The following PRKN variants were observed in gnomAD, a reference collection of about 807,000 sequenced individuals.
PRKN encodes the protein parkin RBR E3 ubiquitin protein ligase.
A neutral mutation model predicts 59.5 loss-of-function variants in PRKN; 56 were observed. The ratio of observed to expected loss-of-function variants is 0.94; its 90% CI spans 0.76 to 1.18. The LOEUF (loss-of-function observed/expected upper bound fraction) is 1.18, where lower values mean the gene tolerates loss of function less well. PRKN is among the 50% of genes most tolerant of loss of function. The pLI, the probability that PRKN is intolerant of heterozygous loss-of-function variation, is 0.00. For missense variants in PRKN, 657 were observed against 596.4 expected (o/e 1.10, Z -1.06); for synonymous variants, 250 against 222.1 (o/e 1.13, Z -1.12).
chr6:162,263,079 T>C (rs1779964783), intron 2 of PRKN, among the ~76,000 whole-genome samples: 1 of 151,962 alleles, frequency 6.6e-6, no homozygotes, highest in African/African-American at 2.4e-5. Flanking sequence ...GTGAAAACAA[T>C]AATTCCTTTT....
At chr6:161,902,719 C>A (rs1036277554) in intron 6 of PRKN, among the ~76,000 whole-genome samples, 1 of 151,876 alleles carries the variant, frequency 6.6e-6, no homozygotes, top group African/African-American at 2.4e-5. Context: ...TGCCACCACG[C>A]CTAATTTTTG....
chr6:162,565,518 T>C (rs4709636), intron 1 of PRKN, among the ~76,000 whole-genome samples: 46,480 of 151,674 alleles, frequency 0.31, 7,540 homozygotes, highest in East Asian at 0.49. Context: ...GGTGAAACCC[T>C]ATCTCTACTA....
At chr6:161,692,190 G>C (rs1266418716) in intron 7 of PRKN, among the ~76,000 whole-genome samples, 1 of 152,096 alleles carries the variant, frequency 6.6e-6, no homozygotes, top group African/African-American at 2.4e-5. Flanking sequence ...CAAGTTGTGG[G>C]AGCGCTACTT....
intron 9 of PRKN, among the ~76,000 whole-genome samples, chr6:161,436,376 C>T (rs902933730): frequency 1.7e-4 from 19 of 110,700 alleles, no homozygotes; most frequent in African/African-American, 5.8e-4. Context: ...GGATTTCATT[C>T]GCTGGGATGG....
intron 1 of PRKN, among the ~76,000 whole-genome samples, chr6:162,632,005 G>C (rs1783128367): frequency 1.4e-5 from 2 of 145,264 alleles, no homozygotes; most frequent in Non-Finnish European, 3.0e-5. Flanking sequence ...AAAAAAAGAT[G>C]TGGCAAGGCT....
intron 1 of PRKN, among the ~76,000 whole-genome samples, chr6:162,708,300 A>C (rs1405979863): frequency 6.6e-6 from 1 of 152,244 alleles, no homozygotes; most frequent in African/African-American, 2.4e-5. Flanking sequence ...AGGAACTTAC[A>C]GATTTTATGT....
intron 1 of PRKN, among the ~76,000 whole-genome samples, chr6:162,557,159 G>T (rs1193157039): frequency 6.6e-6 from 1 of 152,156 alleles, no homozygotes; most frequent in Non-Finnish European, 1.5e-5. Flanking sequence ...CTCCAATAAG[G>T]CTCCAGTTTG....
intron 7 of PRKN, among the ~76,000 whole-genome samples, chr6:161,664,322 G>A (rs537857382): frequency 2.6e-5 from 4 of 152,154 alleles, no homozygotes; most frequent in Non-Finnish European, 4.4e-5. Context: ...TTCCTGTTAC[G>A]GGAAAGGGGT....
intron 7 of PRKN, among the ~76,000 whole-genome samples, chr6:161,660,437 A>G (rs1784500836): frequency 6.6e-6 from 1 of 152,198 alleles, no homozygotes; most frequent in Non-Finnish European, 1.5e-5. Context: ...AAACCATTCA[A>G]AGGAAAAAAC....
At chr6:162,109,845 A>G in intron 4 of PRKN, among the ~76,000 whole-genome samples, 1 of 152,308 alleles carries the variant, frequency 6.6e-6, no homozygotes, top group East Asian at 1.9e-4. Context: ...CTGTTGCTGT[A>G]GGTGTATATT....
At chr6:161,676,038 T>C (rs1391696241) in intron 7 of PRKN, among the ~76,000 whole-genome samples, 2 of 152,262 alleles carry the variant, frequency 1.3e-5, no homozygotes, top group Non-Finnish European at 2.9e-5. Context: ...AGAGGCACTC[T>C]GAGTCCTAAA....
At chr6:162,284,855 C>T (rs1242385659) in intron 2 of PRKN, among the ~76,000 whole-genome samples, 1 of 152,056 alleles carries the variant, frequency 6.6e-6, no homozygotes, top group East Asian at 1.9e-4. Flanking sequence ...AATTGTGTCC[C>T]CTCACAAGTC....
intron 2 of PRKN, among the ~76,000 whole-genome samples, chr6:162,349,275 C>T (rs1228740293): frequency 2.0e-5 from 3 of 152,092 alleles, no homozygotes; most frequent in African/African-American, 7.2e-5. Context: ...CAAGACCAGC[C>T]TGGCCAATAT....
chr6:162,304,633 C>T (rs9458505), intron 2 of PRKN, among the ~76,000 whole-genome samples: 41,370 of 150,084 alleles, frequency 0.28, 10,434 homozygotes, highest in African/African-American at 0.61. Context: ...CCTCTTTTAA[C>T]GACTTGGGGA....
chr6:162,179,968 C>CTGTGTGTGTG (rs61592555), intron 4 of PRKN, among the ~76,000 whole-genome samples: 5,770 of 139,428 alleles, frequency 0.041, 165 homozygotes, highest in Middle Eastern at 0.064. Context: ...TATCTTATTA[C>CTGTGTGTGTG]TGTGTGTGTG....
chr6:162,343,524 T>G (rs1356188308), intron 2 of PRKN, among the ~76,000 whole-genome samples: 4 of 152,234 alleles, frequency 2.6e-5, no homozygotes, highest in African/African-American at 9.6e-5. Context: ...AATGGTAGAC[T>G]ACATGGTGGC....
At chr6:161,516,826 C>CAAAAAAAAAAAAAAAAAAAA (rs369136348) in intron 9 of PRKN, among the ~76,000 whole-genome samples, 68 of 63,132 alleles carry the variant, frequency 1.1e-3, no homozygotes, top group African/African-American at 1.3e-3. Context: ...GACTCAATCT[C>CAAAAAAAAAAAAAAAAAAAA]AAAAAAAAAA....
At chr6:161,653,782 G>A (rs925657939) in intron 7 of PRKN, among the ~76,000 whole-genome samples, 1 of 152,176 alleles carries the variant, frequency 6.6e-6, no homozygotes, top group African/African-American at 2.4e-5. Context: ...ACATTTAAGG[G>A]TAAGATTCCA....
intron 1 of PRKN, among the ~76,000 whole-genome samples, chr6:162,649,472 G>T (rs1488556924): frequency 6.6e-6 from 1 of 152,022 alleles, no homozygotes; most frequent in African/African-American, 2.4e-5. Flanking sequence ...TAGTGAAACT[G>T]AAGCCCATCT....
Sources: allele counts gnomAD v4.1 joint callset (sites outside exome capture counted in the v4.1 genomes callset), GRCh38; gene constraint gnomAD v4.1.1; transcripts MANE v1.5; gene names NCBI Gene and HGNC (gene_info 2026-07-23, HGNC 2026-07-21).